Variants in TECPR1 observed in about 807,000 individuals in gnomAD.
TECPR1 encodes the protein tectonin beta-propeller repeat containing 1.
A neutral mutation model predicts 162.4 loss-of-function variants in TECPR1; 122 were observed. The observed-to-expected ratio is 0.75, with a 90% CI of 0.65 to 0.87. TECPR1 has a LOEUF of 0.87. Ranked by LOEUF, TECPR1 falls within the 40% of genes least tolerant of loss-of-function variation. The probability of loss-of-function intolerance (pLI) is 0.00; values close to 1 mark genes in which losing one functional copy is unlikely to be tolerated. For missense variants in TECPR1, 1,432 were observed against 1,618.2 expected, an observed-to-expected ratio of 0.88 and a Z score of 1.97; for synonymous variants, 642 against 670.6, an observed-to-expected ratio of 0.96 and a Z score of 0.66.
In TECPR1 at chr7:98,222,371, G is replaced by C. The variant is rs1798162536; in HGVS notation, c.3064+15C>G. ...AAGGTGAACACTGCAGGGGCTCCTG[G>C]GGCGCGGCACTCACCGGCTGGCTGC... is the stretch of plus-strand genomic sequence containing the variant. On this transcript the variant is annotated intron_variant, in intron 22 of 25. Transcript: ENST00000447648. The C allele has an allele frequency of 1.2e-6, 2 of 1,604,610 alleles. No homozygotes were observed. The highest frequency in any genetic ancestry group is 2.7e-5 in the African/African-American group (2 of 74,840).
chr7:98,248,602 G>A (rs1798973042), intron 2 of TECPR1, among the ~76,000 whole-genome samples: 1 of 150,026 alleles, frequency 6.7e-6, no homozygotes, highest in Admixed American at 6.6e-5. Flanking sequence ...AGCACTTTGG[G>A]AGGCCAAGGC....
Position 98,236,786 on chromosome 7 carries a change from T to G in TECPR1, c.1171A>C (p.Ser391Arg). The change falls in exon 10 of 26, where the codon AGT becomes CGT. Residue 391 changes from serine to arginine, a missense_variant. Coordinates refer to ENST00000447648, the MANE Select transcript of TECPR1 (RefSeq NM_015395.3). ...CDRSHSGSSS[S>R]LLSAGCFFGD... ...GCCACCCCCAGTCACCTGAGGAGAC[T>G]AGACGAGCTGCCAGAGTGTGACCGG... 1.9e-6 allele frequency: 3 copies of G among 1,593,718 alleles called. No individual in the cohort carries two copies. Among genetic ancestry groups the G allele is most frequent in the Non-Finnish European group, 2.6e-6 (3 of 1,173,798 alleles).
At position 98,229,092 on chromosome 7, in the gene TECPR1, T is replaced by C. The variant is rs1215644105; in HGVS notation, c.2357A>G (p.Tyr786Cys). 9 of 1,585,346 alleles carry C rather than the reference T, an allele frequency of 5.7e-6. No homozygotes were observed. Among genetic ancestry groups the C allele is most frequent in the Non-Finnish European group, 6.0e-6 (7 of 1,166,758 alleles). The change falls in exon 16 of 26, where the codon TAT becomes TGT. Residue 786 changes from tyrosine to cysteine, a missense_variant. Tyr to Cys is a radical substitution (Grantham distance 194, BLOSUM62 -2). Coordinates refer to ENST00000447648, the MANE Select transcript of TECPR1 (RefSeq NM_015395.3). ...NSRGVVWGIG[Y>C]DHTAWVYTGG... ...TGTGTATACCCAGGCCGTGTGGTCA[T>C]AGCCGATGCCCCACACCACGCCCCG...
chr7:98,226,351 C>G, intron 17 of TECPR1: 1 of 704,080 alleles, frequency 1.4e-6, no homozygotes. Context: ...ACAGGGACAT[C>G]CTTTAAATGG....
chr7:98,238,283 G>A (rs968942514), intron 9 of TECPR1, among the ~76,000 whole-genome samples: 1 of 152,196 alleles, frequency 6.6e-6, no homozygotes, highest in Admixed American at 6.5e-5. Flanking sequence ...CTGTGCACTA[G>A]CAGGTGCCTG....
intron 17 of TECPR1, 122 bp from the exon 18 acceptor site, chr7:98,225,224 G>T (rs1411248873): frequency 1.1e-6 from 1 of 892,636 alleles, no homozygotes; most frequent in Non-Finnish European, 1.8e-6. Flanking sequence ...GCCACCTCCA[G>T]GCACTCGCAC....
At chr7:98,243,826 C>T (rs755838164) in intron 5 of TECPR1, among the ~76,000 whole-genome samples, 159 of 152,314 alleles carry the variant, frequency 1.0e-3, no homozygotes, top group Admixed American at 1.9e-3. Flanking sequence ...AAACTCCCGG[C>T]CTCAAGTGAT....
chr7:98,228,339 G>A (rs1798331811), intron 16 of TECPR1, among the ~76,000 whole-genome samples: 1 of 152,116 alleles, frequency 6.6e-6, no homozygotes, highest in South Asian at 2.1e-4. Context: ...CAACCTCGAT[G>A]AGCACAGCCT....
rs1456563442 is a variant in TECPR1, at chr7:98,238,750, G to A, written c.934-140C>T. 1.4e-5 allele frequency: 10 copies of A among 722,332 alleles called. 1 individual carries two copies. Among genetic ancestry groups the A allele is most frequent in the South Asian group, 8.2e-5 (5 of 61,166 alleles). 44.7% of individuals were successfully genotyped at this position (722,332 alleles called of 1,614,324 possible). ...AATGAGCAGTGGTACATCATTTAGC[G>A]AGGAAGCCCTTATCCGTGATCCACG... is the stretch of plus-strand genomic sequence containing the variant. On this transcript the variant is annotated intron_variant, in intron 8 of 25. Transcript: ENST00000447648.
Position 98,231,043 on chromosome 7 carries a change from T to C in TECPR1, c.2200A>G (p.Ile734Val), listed in dbSNP as rs772074557. Residue 734 changes from isoleucine to valine, a missense_variant, in exon 15 of 26, where the codon ATC becomes GTC. Transcript: ENST00000447648. Reference protein sequence around the residue: ...GRPSPQAIWSITCKGDIFVSE... With the variant: ...GRPSPQAIWSVTCKGDIFVSE... The stretch of plus-strand genomic sequence containing the variant: ...ACGAAGATGTCCCCCTTGCAGGTGA[T>C]GGACCAGATGGCCTGCGGGGACGGG... 6.2e-7 allele frequency: 1 copy of C among 1,612,460 alleles called. No homozygotes were observed. Among genetic ancestry groups the C allele is most frequent in the Non-Finnish European group, 8.5e-7 (1 of 1,179,532 alleles).
In TECPR1 at chr7:98,236,832, G is replaced by A. The variant is rs114434426; in HGVS notation, c.1125C>T (p.Ile375=). 2.3e-4 allele frequency: 360 copies of A among 1,588,798 alleles called. 1 individual carries two copies. In the African/African-American group the frequency reaches 4.3e-3, roughly 19 times the overall value. Residue 375 remains isoleucine, a synonymous_variant, in exon 10 of 26, where the codon ATC becomes ATT. Transcript: ENST00000447648. ...ACCGGTCACACTCTCGGGCCGCGAT[G>A]ATGGCTTTCCAGGTCTTCCCACTGA... ...SELSGKTWKA[I]IAARECDRSH...
rs778754790 is a variant in TECPR1, at chr7:98,246,191, G to A, written c.-19-26C>T. On this transcript the variant is annotated intron_variant, in intron 2 of 25. Coordinates refer to ENST00000447648, the MANE Select transcript of TECPR1 (RefSeq NM_015395.3). ...CTGCGGCAGGAGGACGAGGGCCAGCGTTCAGGCTCCCAGCCCAGGGGACAT... is the reference window on the plus strand; with the variant it reads ...CTGCGGCAGGAGGACGAGGGCCAGCATTCAGGCTCCCAGCCCAGGGGACAT... The A allele has an allele frequency of 1.5e-4, 228 of 1,473,520 alleles. 1 individual carries two copies. The highest frequency in any genetic ancestry group is 9.4e-4 in the South Asian group (76 of 81,194). The allele number at this position is 1,473,520 out of a possible 1,614,324, so 91.3% of individuals were successfully genotyped here.
intron 16 of TECPR1, 22 bp downstream of exon 16, chr7:98,229,017 G>T (rs777321073): frequency 1.9e-6 from 3 of 1,596,786 alleles, no homozygotes; most frequent in South Asian, 2.2e-5. Context: ...AAGGCTCCGG[G>T]GGGGCTGTGG....
chr7:98,231,565 T>G, intron 13 of TECPR1, 192 bp from the exon 14 acceptor site: 3 of 261,298 alleles, frequency 1.1e-5, no homozygotes, highest in Non-Finnish European at 1.9e-5. Context: ...CTGTACCCCC[T>G]CCCCTGGGCA....
At chr7:98,226,432 T>A in intron 17 of TECPR1, 2 of 985,318 alleles carry the variant, frequency 2.0e-6, no homozygotes, top group Non-Finnish European at 2.4e-6. Context: ...ATACACTGGG[T>A]CCACTCTGGG....
chr7:98,236,788 G>C lies in TECPR1; in HGVS notation c.1169C>G (p.Ser390Cys), dbSNP rs1210985051. Residue 390 changes from serine (S) to cysteine (C), a missense_variant, in exon 10 of 26, where the codon TCT (serine) becomes TGT (cysteine). Coordinates refer to ENST00000447648, the MANE Select transcript of TECPR1 (RefSeq NM_015395.3). ...ECDRSHSGSS[S>C]SLLSAGCFFG... The stretch of plus-strand genomic sequence containing the variant: ...CACCCCCAGTCACCTGAGGAGACTA[G>C]ACGAGCTGCCAGAGTGTGACCGGTC... 1.9e-6 allele frequency: 3 copies of C among 1,594,432 alleles called. No individual in the cohort carries two copies. The East Asian group carries it at 6.9e-5, about 36-fold the overall frequency.
At position 98,228,008 on chromosome 7, in the gene TECPR1, A is replaced by C. The variant is rs1798322777; in HGVS notation, c.2513+6T>G. The C allele has an allele frequency of 6.2e-6, 10 of 1,610,034 alleles. No homozygotes were observed. The South Asian group carries it at 1.0e-4, about 16-fold the overall frequency. ...AGCATCCTGGCCGGGCACCTGTGCC[A>C]CTTACCTGCTGGTGTAGCCTGTGAC... On this transcript the variant is annotated splice_donor_region_variant and intron_variant, in intron 17 of 25. Transcript: ENST00000447648.
chr7:98,231,327 A>G lies in TECPR1; in HGVS notation c.2021T>C (p.Leu674Pro). The G allele has an allele frequency of 6.2e-7, 1 of 1,611,410 alleles. No homozygotes were observed. The highest frequency in any genetic ancestry group is 8.5e-7 in the Non-Finnish European group (1 of 1,178,886). Reference sequence around the variant, plus strand: ...GGCAAAGGAGTGCTTGGTCTCGTTCAGCACTGGGACCAGCGCCACCACCTC... The same window carrying G: ...GGCAAAGGAGTGCTTGGTCTCGTTCGGCACTGGGACCAGCGCCACCACCTC... ...LNEVVALVPVLNETKHSFALY... is the reference protein window; with the variant it reads ...LNEVVALVPVPNETKHSFALY... Residue 674 changes from leucine to proline, a missense_variant, in exon 14 of 26, where the codon CTG becomes CCG. By Grantham distance (98) the Leu-to-Pro change is moderately conservative. Transcript: ENST00000447648.
At position 98,235,067 on chromosome 7, in the gene TECPR1, A is replaced by C. The variant is rs573824978; in HGVS notation, c.1182-1156T>G. Among the ~76,000 whole-genome samples the C allele has an allele frequency of 3.9e-5, 6 of 152,234 alleles. No homozygotes were observed. The East Asian group carries it at 9.6e-4, about 24-fold the overall frequency. ...TCTTGATAATGTCCTTTTGATTCAC[A>C]AAAGTTTTTAATTCTGATGAAGTCC... On this transcript the variant is annotated intron_variant, in intron 10 of 25. Transcript: ENST00000447648.
Sources: gnomAD v4.1 joint callset for allele counts (sites outside exome capture counted in the v4.1 genomes callset) on GRCh38, gnomAD v4.1.1 for gene constraint, MANE v1.5 for transcripts, NCBI Gene and HGNC (gene_info 2026-07-23, HGNC 2026-07-21) for gene names.